The following PHYKPL variants were observed in gnomAD, a reference collection of about 807,000 sequenced individuals.
PHYKPL encodes 5-phosphonooxy-L-lysine phospho-lyase.
In PHYKPL, 42 loss-of-function variants were observed where a neutral mutation model predicts 51.3. The ratio of observed to expected loss-of-function variants is 0.82; its 90% confidence interval spans 0.64 to 1.06. The LOEUF is 1.06. Ranked by LOEUF, PHYKPL falls within the 50% of genes least tolerant of loss-of-function variation. The pLI is 0.00. For synonymous variants in PHYKPL, 264 were observed against 236.0 expected, an observed-to-expected ratio of 1.12 and a Z score of -1.09; for missense variants, 655 against 586.6, an observed-to-expected ratio of 1.12 and a Z score of -1.20.
intron 8 of PHYKPL, among the ~76,000 whole-genome samples, chr5:178,221,064 G>C (rs1761083430): frequency 6.6e-6 from 1 of 152,162 alleles, no homozygotes; most frequent in Non-Finnish European, 1.5e-5. Flanking sequence ...CAAGGTCTAA[G>C]CTTTCATTAG....
intron 12 of PHYKPL, chr5:178,210,710 A>AAACTTTCTATT: frequency 9.6e-7 from 1 of 1,042,366 alleles, no homozygotes; most frequent in East Asian, 2.4e-5. Flanking sequence ...TTAACTTGGC[A>AAACTTTCTATT]AACTTTCTAT....
intron 10 of PHYKPL, among the ~76,000 whole-genome samples, 197 bp from the exon 11 acceptor site, chr5:178,213,300 G>T (rs972742460): frequency 2.0e-5 from 3 of 152,190 alleles, no homozygotes; most frequent in Non-Finnish European, 2.9e-5. Flanking sequence ...CACTGCACCT[G>T]GCCCTGAGCC....
rs1238932380 is a variant in PHYKPL at position 178,208,656 on chromosome 5, ATTTAT to A, written c.*286_*290del. 6.6e-6 allele frequency: 1 copy of A among 152,254 alleles called. No individual in the cohort carries two copies. The highest frequency in any genetic ancestry group is 1.5e-5 in the Non-Finnish European group (1 of 68,084). The allele number at this position is 152,254 out of a possible 1,614,324, so 9.4% of individuals were successfully genotyped here. On this transcript the variant is annotated 3_prime_UTR_variant, in exon 13 of 13. Transcript: ENST00000308158. ...TTTAGAAATACACTGGTCTGGTCTA[ATTTAT>A]TTAAGCAGGAGCACTTTAAAGTATC... is the stretch of plus-strand genomic sequence containing the variant.
Position 178,214,795 on chromosome 5 carries a change from C to T in PHYKPL, c.1172+1G>A, listed in dbSNP as rs1392084200. On this transcript the variant is annotated splice_donor_variant, in intron 10 of 12. Transcript: ENST00000308158. LOFTEE classifies it high-confidence loss of function. ...AGCAACTTGTTTCAAGAAGAAAATACCTTGATACCAAGTAGGCAGCCTCTT... is the reference window on the plus strand; with the variant it reads ...AGCAACTTGTTTCAAGAAGAAAATATCTTGATACCAAGTAGGCAGCCTCTT... The T allele has an allele frequency of 6.2e-7, 1 of 1,613,850 alleles. No homozygotes were observed.
chr5:178,209,876 T>C (rs575015941), intron 12 of PHYKPL, among the ~76,000 whole-genome samples: 1 of 151,838 alleles, frequency 6.6e-6, no homozygotes, highest in Admixed American at 6.6e-5. Context: ...AGAGTGGGAG[T>C]GATCAGAGAG....
At chr5:178,212,248 C>T (rs189798428) in intron 11 of PHYKPL, among the ~76,000 whole-genome samples, 2 of 152,342 alleles carry the variant, frequency 1.3e-5, no homozygotes, top group African/African-American at 2.4e-5. Flanking sequence ...ATATCCCTAC[C>T]ACTTCCAATT....
chr5:178,231,155 G>C (rs773376798), intron 2 of PHYKPL, among the ~76,000 whole-genome samples: 1 of 152,176 alleles, frequency 6.6e-6, no homozygotes, highest in Admixed American at 6.5e-5. Context: ...GCCACTTTGT[G>C]AGCTCATCAT....
chr5:178,228,641 G>C (rs1400443699), intron 3 of PHYKPL: 1 of 702,338 alleles, frequency 1.4e-6, no homozygotes, highest in Non-Finnish European at 2.6e-6. Context: ...CTGGGGGGCA[G>C]ATGTCTGTAC....
intron 12 of PHYKPL, chr5:178,211,253 G>C (rs1758299292): frequency 6.5e-6 from 1 of 153,550 alleles, no homozygotes; most frequent in African/African-American, 2.4e-5. Flanking sequence ...TGGACTTGGG[G>C]CTTTCTCCTG....
In PHYKPL at chr5:178,232,728, A is replaced by G. The variant is rs1763782595; in HGVS notation, c.-178T>C. On this transcript the variant is annotated 5_prime_UTR_variant, in exon 1 of 13. Transcript: ENST00000308158. ...CGGTGGTTCATTTCTTCGCTTGCCCACTGGGCCTGGCAGCCTTCCGGCCCG... is the reference window on the plus strand; with the variant it reads ...CGGTGGTTCATTTCTTCGCTTGCCCGCTGGGCCTGGCAGCCTTCCGGCCCG... 1.5e-6 allele frequency: 1 copy of G among 655,822 alleles called. No homozygotes were observed. The highest frequency in any genetic ancestry group is 2.1e-6 in the Non-Finnish European group (1 of 471,232). The allele number at this position is 655,822 out of a possible 1,614,324, so 40.6% of individuals were successfully genotyped here. A position where few individuals can be genotyped will look rare whatever the true frequency, so the allele number is the denominator to read the frequency against.
intron 8 of PHYKPL, among the ~76,000 whole-genome samples, chr5:178,217,629 C>T (rs1197986391): frequency 2.6e-5 from 4 of 151,206 alleles, no homozygotes; most frequent in South Asian, 4.2e-4. Context: ...GAGGCTGAGG[C>T]GGGTGGATCA....
chr5:178,231,639 A>G (rs1332948432), intron 1 of PHYKPL, 116 bp from the exon 2 acceptor site: 1 of 1,604,668 alleles, frequency 6.2e-7, no homozygotes, highest in Non-Finnish European at 8.5e-7. Context: ...GGGAAATGAG[A>G]GCTGGAAGGG....
rs1757218518 is a variant in PHYKPL, at chr5:178,208,480, G to A, written c.*467C>T. On this transcript the variant is annotated 3_prime_UTR_variant, in exon 13 of 13. Coordinates refer to ENST00000308158, the MANE Select transcript of PHYKPL (RefSeq NM_153373.4). ...GTGAAACTACTGGTAGTGAGTCTTA[G>A]GAGTAAGTATATTTAGTTGGTTATA... 3 of 152,204 alleles carry A rather than the reference G, an allele frequency of 2.0e-5. No homozygotes were observed. The highest frequency in any genetic ancestry group is 6.5e-5 in the Admixed American group (1 of 15,284). The allele number at this position is 152,204 out of a possible 1,614,324, so 9.4% of individuals were successfully genotyped here.
In PHYKPL at chr5:178,222,522, G is replaced by A. The variant is rs373675466; in HGVS notation, c.760C>T (p.Arg254Trp). Residue 254 changes from arginine (R) to tryptophan (W), a missense_variant, in exon 8 of 13, where the codon CGG (arginine) becomes TGG (tryptophan). By Grantham distance (101) the Arg-to-Trp change is moderately radical (BLOSUM62 -3). Transcript: ENST00000308158. ...AAGGCCCAGAAGTGCTTGCCTACCCGGCCAAAGCCAACCTGGATCTCATCT... is the reference window on the plus strand; with the variant it reads ...AAGGCCCAGAAGTGCTTGCCTACCCAGCCAAAGCCAACCTGGATCTCATCT... ...VADEIQVGFGRVGKHFWAFQL... is the reference protein window; with the variant it reads ...VADEIQVGFGWVGKHFWAFQL... The A allele has an allele frequency of 1.9e-5, 30 of 1,614,118 alleles. No homozygotes were observed. The highest frequency in any genetic ancestry group is 9.3e-5 in the African/African-American group (7 of 74,928).
In PHYKPL at chr5:178,211,910, G is replaced by GCAGGGCTGGCT; in HGVS notation, c.1353_*10dup. ...CTCACCTGGAGTACACTTAGGCAGA[G>GCAGGGCTGGCT]CAGGGCTGGCTTAGGGCTGGAGCCT... On this transcript the variant is annotated 3_prime_UTR_variant, in exon 12 of 13. Transcript: ENST00000308158. 6.2e-7 allele frequency: 1 copy of GCAGGGCTGGCT among 1,613,988 alleles called. No homozygotes were observed. Among genetic ancestry groups the GCAGGGCTGGCT allele is most frequent in the Non-Finnish European group, 8.5e-7 (1 of 1,179,840 alleles).
intron 11 of PHYKPL, among the ~76,000 whole-genome samples, chr5:178,212,616 C>T (rs781292880): frequency 3.5e-4 from 54 of 152,364 alleles, no homozygotes; most frequent in Non-Finnish European, 2.1e-4. Flanking sequence ...AATGAAACTC[C>T]TGCCATCTCT....
intron 8 of PHYKPL, among the ~76,000 whole-genome samples, chr5:178,218,216 C>CAAAAAAAA (rs777929826): frequency 3.4e-5 from 2 of 58,270 alleles, no homozygotes; most frequent in Admixed American, 2.3e-4. Flanking sequence ...AACTCCGTCT[C>CAAAAAAAA]AAAAAAAAAA....
intron 3 of PHYKPL, chr5:178,226,780 A>T (rs912168982): frequency 1.4e-4 from 22 of 152,116 alleles, no homozygotes; most frequent in Admixed American, 1.0e-3. Flanking sequence ...GAAGGGCAGG[A>T]GGTTAGAGTG....
At chr5:178,229,674 G>A (rs1256168897) in intron 3 of PHYKPL, 8 of 362,538 alleles carry the variant, frequency 2.2e-5, no homozygotes, top group Admixed American at 4.2e-5. Context: ...GTATCCTTAA[G>A]GCAGAAATAA....
Sources: allele counts gnomAD v4.1 joint callset (sites outside exome capture counted in the v4.1 genomes callset), GRCh38; gene constraint gnomAD v4.1.1; transcripts MANE v1.5; gene names NCBI Gene and HGNC (gene_info 2026-07-23, HGNC 2026-07-21).